The following AHRR variants were observed in gnomAD, a reference collection of about 807,000 sequenced individuals.
AHRR encodes the protein ahR repressor.
Under a neutral mutation model 44.0 loss-of-function variants are expected in AHRR, and 28 were observed. That is an observed-to-expected ratio of 0.64 (90% CI 0.47 to 0.87). The LOEUF is 0.87. Ranked by LOEUF, AHRR falls within the 40% of genes least tolerant of loss-of-function variation. The pLI is 0.00. For synonymous variants in AHRR, 434 were observed against 407.0 expected (o/e 1.07, Z -0.80); for missense variants, 990 against 953.9 (o/e 1.04, Z -0.50).
At chr5:384,933 C>G (rs1310131440) in intron 4 of AHRR, among the ~76,000 whole-genome samples, 2 of 151,928 alleles carry the variant, frequency 1.3e-5, no homozygotes, top group African/African-American at 4.8e-5. Context: ...ATCACAAGGT[C>G]AGGAGTTCAA....
intron 4 of AHRR, among the ~76,000 whole-genome samples, chr5:410,859 A>T (rs1208983448): frequency 6.6e-6 from 1 of 152,166 alleles, no homozygotes; most frequent in African/African-American, 2.4e-5. Context: ...TTCTTCTTAT[A>T]TCACTTTTGT....
At chr5:367,528 G>T (rs1743403806) in intron 3 of AHRR, among the ~76,000 whole-genome samples, 1 of 152,260 alleles carries the variant, frequency 6.6e-6, no homozygotes, top group African/African-American at 2.4e-5. Context: ...GGATGAGCCA[G>T]CCTGGTGGGG....
chr5:381,749 C>T (rs186804942), intron 4 of AHRR, among the ~76,000 whole-genome samples: 8 of 152,024 alleles, frequency 5.3e-5, no homozygotes, highest in South Asian at 2.1e-4. Context: ...CTCCTGACCT[C>T]GTGATCCACC....
At chr5:386,060 C>CT (rs1239207957) in intron 4 of AHRR, among the ~76,000 whole-genome samples, 1 of 152,016 alleles carries the variant, frequency 6.6e-6, no homozygotes, top group Non-Finnish European at 1.5e-5. Flanking sequence ...CAATTTCATT[C>CT]TTTTTTTCAG....
At chr5:376,552 A>ATGAGAACCGTGGGGTGAGCGCGGG in intron 3 of AHRR, 58 bp from the exon 4 acceptor site, 1 of 1,409,244 alleles carries the variant, frequency 7.1e-7, no homozygotes, top group Non-Finnish European at 9.6e-7. Flanking sequence ...ATGTGAATGA[A>ATGAGAACCGTGGGGTGAGCGCGGG]GAAGAGTGGC....
chr5:413,715 T>G (rs544971602), intron 5 of AHRR, among the ~76,000 whole-genome samples: 7 of 152,284 alleles, frequency 4.6e-5, no homozygotes, highest in Admixed American at 1.3e-4. Context: ...GCTCAGGCAC[T>G]CCGCTAGGTC....
intron 1 of AHRR, chr5:322,719 C>A (rs1018286509): frequency 4.8e-4 from 73 of 152,296 alleles, no homozygotes; most frequent in Middle Eastern, 3.4e-3. Context: ...GGACTCGGGC[C>A]GAGTGTGCCA....
intron 2 of AHRR, among the ~76,000 whole-genome samples, chr5:351,428 G>T (rs1314520146): frequency 6.6e-6 from 1 of 152,218 alleles, no homozygotes; most frequent in Admixed American, 6.5e-5. Context: ...CCCTGAAAAG[G>T]AAGGAAGCAC....
chr5:407,313 A>T (rs1735302168), intron 4 of AHRR, among the ~76,000 whole-genome samples: 1 of 152,240 alleles, frequency 6.6e-6, no homozygotes, highest in Non-Finnish European at 1.5e-5. Context: ...GTGTCTTCCT[A>T]TTTGTTCAAA....
In AHRR at chr5:432,863, G is replaced by A. The variant is rs199973091; in HGVS notation, c.1028G>A (p.Arg343Gln). ...LVLREQTDAG[R>Q]WAQVPARAPC... ...CTCAGGGAACAGACTGACGCTGGCC[G>A]ATGGGCACAGGTTCCCGCCAGGGCC... Residue 343 changes from arginine to glutamine, a missense_variant, in exon 10 of 11, where the codon CGA becomes CAA. Physicochemically the swap from Arg to Gln is conservative, Grantham distance 43. Transcript: ENST00000684583. 54 of 1,613,774 alleles carry A rather than the reference G, an allele frequency of 3.3e-5. No individual in the cohort carries two copies. Among genetic ancestry groups the A allele is most frequent in the Middle Eastern group, 3.3e-4 (2 of 6,062 alleles).
At position 405,195 on chromosome 5, in the gene AHRR, T is replaced by G. The variant is rs967062412; in HGVS notation, c.352-8149T>G. 1.1e-4 allele frequency among the ~76,000 whole-genome samples: 16 copies of G among 152,066 alleles called. No homozygotes were observed. Among genetic ancestry groups the G allele is most frequent in the Non-Finnish European group, 2.9e-5 (2 of 68,014 alleles). On this transcript the variant is annotated intron_variant, in intron 4 of 10. Transcript: ENST00000684583. This position sits in a 1 kb window ranked among gnomAD's most constrained non-coding sequence, Gnocchi z 4.5. ...GGGTCCAGGCAGATTCACCAGACTT[T>G]CTGCTCACGACCCAAAGAGGTTAGC...
intron 6 of AHRR, 25 bp from the exon 7 acceptor site, chr5:423,816 G>T (rs1359973389): frequency 1.3e-6 from 2 of 1,573,028 alleles, no homozygotes; most frequent in African/African-American, 1.4e-5. Flanking sequence ...CCACCGCCAC[G>T]CCCCTTGGCC....
At chr5:424,731 G>A (rs760596534) in intron 7 of AHRR, among the ~76,000 whole-genome samples, 44 of 152,204 alleles carry the variant, frequency 2.9e-4, no homozygotes, top group Non-Finnish European at 4.9e-4. Flanking sequence ...GAGTGGCTGA[G>A]CCCATGGCAT....
intron 2 of AHRR, among the ~76,000 whole-genome samples, chr5:347,771 C>T (rs1742727276): frequency 6.6e-6 from 1 of 152,198 alleles, no homozygotes; most frequent in African/African-American, 2.4e-5. Context: ...TCTAGGGACC[C>T]ACTCTGGGAA....
At chr5:353,024 C>T (rs748349674) in intron 2 of AHRR, among the ~76,000 whole-genome samples, 6 of 152,122 alleles carry the variant, frequency 3.9e-5, no homozygotes, top group South Asian at 2.1e-4. Flanking sequence ...GGGTCAGCTC[C>T]CTCCCTCTCT....
At chr5:331,755 C>T (rs1741920942) in intron 1 of AHRR, among the ~76,000 whole-genome samples, 1 of 152,194 alleles carries the variant, frequency 6.6e-6, no homozygotes, top group South Asian at 2.1e-4. Context: ...ATTAGATTCT[C>T]ATAGGAGCAC....
rs2671894 is a variant in AHRR, at chr5:422,767, C to T, written c.480C>T (p.His160=). ...VMHQNIYDYI[H]VDDRQDFCRQ... Reference sequence around the variant, plus strand: ...ACCAGAACATTTATGACTACATCCACGTGGACGACCGCCAGGACTTCTGCC... The same window carrying T: ...ACCAGAACATTTATGACTACATCCATGTGGACGACCGCCAGGACTTCTGCC... Residue 160 remains histidine, a synonymous_variant, in exon 6 of 11, where the codon CAC becomes CAT. Transcript: ENST00000684583. The T allele has an allele frequency of 5.1e-4, 829 of 1,614,156 alleles. 4 individuals are homozygous for T. In the African/African-American group the frequency reaches 9.6e-3, roughly 19 times the overall value.
Position 413,254 on chromosome 5 carries a change from A to C in AHRR, c.352-90A>C. The stretch of plus-strand genomic sequence containing the variant: ...AATATGGACTACAAAACAGGAGGAA[A>C]TTGTTGAAAATTTAAGCAAAGGATT... On this transcript the variant is annotated intron_variant, in intron 4 of 10. Coordinates refer to ENST00000684583, the MANE Select transcript of AHRR (RefSeq NM_001377236.1). 5 of 907,694 alleles carry C rather than the reference A, an allele frequency of 5.5e-6. No individual in the cohort carries two copies. In the South Asian group the frequency reaches 8.0e-5, roughly 15 times the overall value. The allele number at this position is 907,694 out of a possible 1,614,324, so 56.2% of individuals were successfully genotyped here.
At chr5:345,021 T>C (rs1237798294) in intron 2 of AHRR, among the ~76,000 whole-genome samples, 1 of 105,594 alleles carries the variant, frequency 9.5e-6, no homozygotes, top group Admixed American at 1.0e-4. Context: ...GCTGTGTGTG[T>C]GCGAGGGGGA....
Sources: gnomAD v4.1 joint callset for allele counts (sites outside exome capture counted in the v4.1 genomes callset) on GRCh38, gnomAD v4.1.1 for gene constraint, Gnocchi (gnomAD v3.1) non-coding constraint, MANE v1.5 for transcripts, NCBI Gene and HGNC (gene_info 2026-07-23, HGNC 2026-07-21) for gene names.